The following PPP2R3B variants were observed in gnomAD, a reference collection of about 807,000 sequenced individuals.
PPP2R3B encodes the protein protein phosphatase 2 regulatory subunit B''beta.
Under a neutral mutation model 72.9 loss-of-function variants are expected in PPP2R3B, and 68 were observed. The observed-to-expected ratio is 0.93, with a 90% CI of 0.77 to 1.14. The LOEUF (loss-of-function observed/expected upper bound fraction) is 1.14. Among genes scored for constraint, PPP2R3B ranks in the 50% most tolerant of loss-of-function variants. PPP2R3B has a pLI of 0.00. For synonymous variants in PPP2R3B, 466 were observed against 375.8 expected, an observed-to-expected ratio of 1.24 and a Z score of -2.78; for missense variants, 1,018 against 842.0, an observed-to-expected ratio of 1.21 and a Z score of -2.59.
intron 1 of PPP2R3B, among the ~76,000 whole-genome samples, chrX:384,667 G>GT (rs925408787): frequency 1.4e-3 from 215 of 152,076 alleles, no homozygotes; most frequent in Non-Finnish European, 2.8e-3. Context: ...TCCACCAGCC[G>GT]TAACTACAGC....
chrX:342,462 G>T (rs866253858), intron 7 of PPP2R3B, among the ~76,000 whole-genome samples: 3,140 of 77,594 alleles, frequency 0.04, 33 homozygotes, highest in Non-Finnish European at 0.049. Context: ...GAGGCGGGAG[G>T]GAGACCTCAG....
At chrX:383,161 G>A (rs928217758) in intron 1 of PPP2R3B, among the ~76,000 whole-genome samples, 1 of 152,138 alleles carries the variant, frequency 6.6e-6, no homozygotes, top group Non-Finnish European at 1.5e-5. Flanking sequence ...TCATCGACAC[G>A]TACTTTTGGA....
At chrX:345,752 G>T (rs2071190467) in intron 6 of PPP2R3B, 80 bp from the exon 7 acceptor site, 3 of 1,117,452 alleles carry the variant, frequency 2.7e-6, no homozygotes, top group Non-Finnish European at 3.7e-6. Flanking sequence ...GCGGGGCAGG[G>T]AAGGCTGGGA....
At chrX:364,521 C>CAAAAA (rs1177610760) in intron 1 of PPP2R3B, among the ~76,000 whole-genome samples, 2 of 86,954 alleles carry the variant, frequency 2.3e-5, no homozygotes, top group African/African-American at 5.3e-5. Context: ...AAAAAAAAAA[C>CAAAAA]AAAAAAAAAA....
At chrX:347,444 G>A in intron 3 of PPP2R3B, 108 bp from the exon 4 acceptor site, 2 of 1,337,818 alleles carry the variant, frequency 1.5e-6, no homozygotes, top group Admixed American at 1.7e-5. Context: ...CGTGGCAGGT[G>A]GCCACACACG....
chrX:360,783 A>C (rs2071522247), intron 2 of PPP2R3B, among the ~76,000 whole-genome samples: 1 of 152,200 alleles, frequency 6.6e-6, no homozygotes, highest in East Asian at 1.9e-4. Flanking sequence ...GGGTCCAGAC[A>C]CGCATCTCTG....
chrX:340,997 G>A, intron 9 of PPP2R3B, 57 bp from the exon 10 acceptor site: 1 of 1,573,250 alleles, frequency 6.4e-7, no homozygotes, highest in Non-Finnish European at 8.6e-7. Flanking sequence ...CCCGTGACCT[G>A]CAGCCCCTGA....
rs776707942 is a variant in PPP2R3B at position 338,790 on chromosome X, G to C, written c.1458C>G (p.Ile486Met). The C allele has an allele frequency of 6.2e-7, 1 of 1,612,348 alleles. No individual in the cohort carries two copies. Among genetic ancestry groups the C allele is most frequent in the East Asian group, 2.2e-5 (1 of 44,878 alleles). ...CCGCCGCACTCACCCTGAGCAGGGAGATCTGCTCTTTCTGCTCGTGGTCGA... is the reference window on the plus strand; with the variant it reads ...CCGCCGCACTCACCCTGAGCAGGGACATCTGCTCTTTCTGCTCGTGGTCGA... ...KYLDHEQKEQ[I>M]SLLRDGDSGG... The change falls in exon 11 of 13, where the codon ATC (isoleucine) becomes ATG (methionine). Residue 486 changes from isoleucine to methionine, a missense_variant. Ile to Met is a conservative substitution (Grantham distance 10). Coordinates refer to ENST00000390665, the MANE Select transcript of PPP2R3B (RefSeq NM_013239.5).
intron 6 of PPP2R3B, 112 bp downstream of exon 6, chrX:346,058 GGGGT>G (rs2071200446): frequency 1.7e-5 from 9 of 534,224 alleles, no homozygotes; most frequent in East Asian, 3.3e-5. Context: ...GGTGGGGGTG[GGGGT>G]GGGAGAGGGG....
rs145736341 is a variant in PPP2R3B, at chrX:370,766, G to A, written c.325-9176C>T. On this transcript the variant is annotated intron_variant, in intron 1 of 12. Transcript: ENST00000390665. Reference sequence around the variant, plus strand: ...TTTTGGTGACCACTGGCCTTGGGAGGGGAACGGCACGTGCCCTGGCGGTGA... The same window carrying A: ...TTTTGGTGACCACTGGCCTTGGGAGAGGAACGGCACGTGCCCTGGCGGTGA... Among the ~76,000 whole-genome samples the A allele has an allele frequency of 4.9e-3, 752 of 152,318 alleles. 10 individuals are homozygous for A. The highest frequency in any genetic ancestry group is 0.017 in the African/African-American group (720 of 41,584).
chrX:383,602 C>A (rs986606828), intron 1 of PPP2R3B, among the ~76,000 whole-genome samples: 1 of 151,954 alleles, frequency 6.6e-6, no homozygotes, highest in Admixed American at 6.6e-5. Flanking sequence ...CTTTGGGAGG[C>A]CGAGGCGGGC....
intron 1 of PPP2R3B, among the ~76,000 whole-genome samples, chrX:383,422 A>C (rs2072167097): frequency 6.6e-6 from 1 of 152,196 alleles, no homozygotes; most frequent in South Asian, 2.1e-4. Flanking sequence ...TGAATATTTC[A>C]GGCTTCCGTA....
At chrX:363,538 C>T (rs1269423239) in intron 1 of PPP2R3B, among the ~76,000 whole-genome samples, 10 of 136,422 alleles carry the variant, frequency 7.3e-5, no homozygotes, top group East Asian at 2.2e-4. Context: ...TGCATCTCCC[C>T]GAGCCCGCGA....
At chrX:359,895 G>A in intron 2 of PPP2R3B, 1 of 497,170 alleles carries the variant, frequency 2.0e-6, no homozygotes, top group Non-Finnish European at 3.9e-6. Flanking sequence ...ACCTGAATGT[G>A]TCTAGTTTGT....
At chrX:359,971 T>C (rs745550808) in intron 2 of PPP2R3B, 1 of 384,868 alleles carries the variant, frequency 2.6e-6, no homozygotes, top group East Asian at 8.6e-5. Flanking sequence ...TAAAATACTT[T>C]AAAAACACAA....
intron 7 of PPP2R3B, 121 bp downstream of exon 7, chrX:345,395 G>A (rs756051677): frequency 2.2e-6 from 3 of 1,341,360 alleles, no homozygotes; most frequent in East Asian, 2.5e-5. Context: ...GTGCGAAGGA[G>A]AGGCAGCTGC....
chrX:370,977 G>C (rs2071848641), intron 1 of PPP2R3B, among the ~76,000 whole-genome samples: 1 of 152,186 alleles, frequency 6.6e-6, no homozygotes, highest in Admixed American at 6.5e-5. Context: ...ACCAGGACAG[G>C]TGAAGAGGGG....
chrX:348,135 C>A (rs909958006), intron 2 of PPP2R3B, among the ~76,000 whole-genome samples: 2 of 152,094 alleles, frequency 1.3e-5, no homozygotes, highest in Non-Finnish European at 2.9e-5. Flanking sequence ...CTTAAATACA[C>A]GCGTGAGGAA....
At chrX:338,563 C>T in intron 12 of PPP2R3B, 41 bp downstream of exon 12, 1 of 1,418,952 alleles carries the variant, frequency 7.0e-7, no homozygotes, top group South Asian at 1.2e-5. Context: ...ACCCGTCCTC[C>T]CACTGACCCG....
Sources: allele counts gnomAD v4.1 joint callset (sites outside exome capture counted in the v4.1 genomes callset), GRCh38; gene constraint gnomAD v4.1.1; transcripts MANE v1.5; gene names NCBI Gene and HGNC (gene_info 2026-07-23, HGNC 2026-07-21).